KIF27: variants seen among roughly 807,000 people sequenced by gnomAD.
The protein encoded by KIF27 is kinesin-like protein KIF27.
In KIF27, 84 loss-of-function variants were observed where a neutral mutation model predicts 141.8. The observed-to-expected ratio is 0.59, with a 90% CI of 0.50 to 0.71. KIF27 has a LOEUF of 0.71. Ranked by LOEUF, KIF27 falls within the 30% of genes least tolerant of loss-of-function variation. The pLI is 0.00. For synonymous variants in KIF27, 471 were observed against 569.5 expected (o/e 0.83, Z 2.46); for missense variants, 1,306 against 1,628.4 (o/e 0.80, Z 3.41).
chr9:83,887,451 C>T (rs1328378751), intron 8 of KIF27, among the ~76,000 whole-genome samples: 1 of 152,196 alleles, frequency 6.6e-6, no homozygotes, highest in African/African-American at 2.4e-5. Flanking sequence ...TAAGTTCAGA[C>T]ACACAGTTTT....
chr9:83,885,584 C>A (rs1464174121), intron 9 of KIF27, among the ~76,000 whole-genome samples: 1 of 151,992 alleles, frequency 6.6e-6, no homozygotes, highest in African/African-American at 2.4e-5. Context: ...TTGTTCAACA[C>A]ACCAATATTT....
chr9:83,899,706 C>A lies in KIF27; in HGVS notation c.1557G>T (p.Gly519=), dbSNP rs142359340. Reference sequence around the variant, plus strand: ...GCGCTTCTTTCAAAGATACAGCATGCCCTTTGTTTTCCTGTACCATCATCT... The same window carrying A: ...GCGCTTCTTTCAAAGATACAGCATGACCTTTGTTTTCCTGTACCATCATCT... ...QVQMMVQENK[G]HAVSLKEAQK... Residue 519 remains glycine, a synonymous_variant, in exon 5 of 18, where the codon GGG becomes GGT. Coordinates refer to ENST00000297814, the MANE Select transcript of KIF27 (RefSeq NM_017576.4). 1,905 of 1,613,366 alleles carry A rather than the reference C, an allele frequency of 1.2e-3. 3 individuals carry two copies. The highest frequency in any genetic ancestry group is 1.5e-3 in the Non-Finnish European group (1,764 of 1,179,446).
At chr9:83,885,951 T>G (rs1273820240) in intron 9 of KIF27, among the ~76,000 whole-genome samples, 3 of 149,094 alleles carry the variant, frequency 2.0e-5, no homozygotes, top group Non-Finnish European at 3.0e-5. Context: ...TTTGTGTTGT[T>G]TTTTTTTTTT....
chr9:83,916,610 T>C (rs901816286), intron 1 of KIF27, among the ~76,000 whole-genome samples: 11 of 152,214 alleles, frequency 7.2e-5, no homozygotes, highest in African/African-American at 2.6e-4. Flanking sequence ...TGTAGTTTCC[T>C]GGCTAAAAAT....
At chr9:83,858,221 C>T (rs1949482217) in intron 14 of KIF27, 1 of 152,100 alleles carries the variant, frequency 6.6e-6, no homozygotes, top group Non-Finnish European at 1.5e-5. Context: ...ACTTAGCCCC[C>T]AATCAAGGAT....
chr9:83,859,449 G>C, intron 13 of KIF27, 78 bp from the exon 14 acceptor site: 2 of 936,648 alleles, frequency 2.1e-6, no homozygotes, highest in Non-Finnish European at 1.7e-6. Flanking sequence ...GAAAAACATA[G>C]AGAAAATTGC....
chr9:83,920,108 G>A (rs962805993), intron 1 of KIF27, among the ~76,000 whole-genome samples: 17 of 152,274 alleles, frequency 1.1e-4, no homozygotes, highest in African/African-American at 4.1e-4. Flanking sequence ...TGACGCACCT[G>A]TAGTCCCAGC....
chr9:83,856,773 G>A (rs946436094), intron 14 of KIF27, among the ~76,000 whole-genome samples: 1 of 149,844 alleles, frequency 6.7e-6, no homozygotes, highest in African/African-American at 2.5e-5. Flanking sequence ...AGCTGGGCAT[G>A]GTAGCGCACA....
intron 2 of KIF27, among the ~76,000 whole-genome samples, chr9:83,909,775 A>G: frequency 6.6e-6 from 1 of 152,152 alleles, no homozygotes; most frequent in Non-Finnish European, 1.5e-5. Context: ...TTTATTCCAT[A>G]AATAGGCCAT....
chr9:83,848,070 G>GATATATCATATATATCAT (rs10622451), intron 16 of KIF27, among the ~76,000 whole-genome samples: 1 of 43,240 alleles, frequency 2.3e-5, no homozygotes. Flanking sequence ...TCATATATAT[G>GATATATCATATATATCAT]ATATATGATA....
chr9:83,917,624 AG>A (rs1251152021), intron 1 of KIF27, among the ~76,000 whole-genome samples: 2 of 152,254 alleles, frequency 1.3e-5, no homozygotes, highest in African/African-American at 4.8e-5. Flanking sequence ...TCAACAGAAT[AG>A]AATTGAGAAT....
intron 2 of KIF27, among the ~76,000 whole-genome samples, chr9:83,910,610 G>A (rs1434549287): frequency 6.6e-6 from 1 of 152,086 alleles, no homozygotes; most frequent in Non-Finnish European, 1.5e-5. Context: ...GAGAATGTGT[G>A]CAGAAGACAG....
At position 83,842,394 on chromosome 9, in the gene KIF27, A is replaced by G. The variant is rs773830704; in HGVS notation, c.3564T>C (p.Asp1188=). 4.7e-6 allele frequency: 7 copies of G among 1,497,702 alleles called. No homozygotes were observed. The East Asian group carries it at 1.7e-4, about 36-fold the overall frequency. The allele number at this position is 1,497,702 out of a possible 1,614,324, so 92.8% of individuals were successfully genotyped here. ...QLLLHHFKEQ[D]GEGIMETFKT... ...TGAAAGTTTCCATAATGCCTTCTCCATCTTGTTCTATACAACAAAAATTTG... is the reference window on the plus strand; with the variant it reads ...TGAAAGTTTCCATAATGCCTTCTCCGTCTTGTTCTATACAACAAAAATTTG... Residue 1188 remains aspartate (D), a synonymous_variant, in exon 17 of 18, where the codon GAT becomes GAC. Coordinates refer to ENST00000297814, the MANE Select transcript of KIF27 (RefSeq NM_017576.4).
rs373717274 is a variant in KIF27 at position 83,915,265 on chromosome 9, A to G, written c.298+29T>C. On this transcript the variant is annotated intron_variant, in intron 2 of 17. Coordinates refer to ENST00000297814, the MANE Select transcript of KIF27 (RefSeq NM_017576.4). ...TTTTTGCTTCTTTCTAGCGTCACAA[A>G]TAAAAGTCAAAGAGTATAAGAATCT... 2.3e-5 allele frequency: 35 copies of G among 1,549,840 alleles called. No individual in the cohort carries two copies. In the African/African-American group the frequency reaches 3.2e-4, roughly 14 times the overall value.
chr9:83,906,223 T>C (rs1243146686), intron 3 of KIF27, among the ~76,000 whole-genome samples: 2 of 152,228 alleles, frequency 1.3e-5, no homozygotes, highest in African/African-American at 4.8e-5. Context: ...TAAGCTACCA[T>C]ATATAGTTTC....
chr9:83,889,223 C>A lies in KIF27; in HGVS notation c.1840G>T (p.Asp614Tyr), dbSNP rs774392277. The A allele has an allele frequency of 6.2e-7, 1 of 1,613,334 alleles. No homozygotes were observed. The highest frequency in any genetic ancestry group is 1.7e-5 in the Admixed American group (1 of 59,976). ...GTTCGAAATCCAGCAAATATTCGAT[C>A]CAGAGAGTACATAGGCGGACTTGTG... ...VHTSPPMYSL[D>Y]RIFAGFRTRS... The change falls in exon 7 of 18, where the codon GAT becomes TAT. Residue 614 changes from aspartate to tyrosine, a missense_variant. Around this residue, in one of 4 missense-constraint regions of KIF27, gnomAD observed 596 missense variants for 751.6 expected, o/e 0.79. Transcript: ENST00000297814.
At chr9:83,848,534 C>T (rs1292994039) in intron 16 of KIF27, 1 of 142,296 alleles carries the variant, frequency 7.0e-6, no homozygotes, top group African/African-American at 2.6e-5. Flanking sequence ...ACATATATAT[C>T]TATGTATATA....
chr9:83,874,449 C>T (rs1951049341), intron 11 of KIF27, among the ~76,000 whole-genome samples: 1 of 152,182 alleles, frequency 6.6e-6, no homozygotes, highest in South Asian at 2.1e-4. Flanking sequence ...AGACAGGAGT[C>T]TCAGAGAGTT....
intron 11 of KIF27, among the ~76,000 whole-genome samples, chr9:83,873,828 T>A (rs1950989528): frequency 6.6e-6 from 1 of 152,158 alleles, no homozygotes; most frequent in African/African-American, 2.4e-5. Context: ...GGCGGGTAGA[T>A]CACAAGGTCA....
Sources: allele counts gnomAD v4.1 joint callset (sites outside exome capture counted in the v4.1 genomes callset), GRCh38; gene constraint gnomAD v4.1.1; regional missense constraint gnomAD v4.1.1; transcripts MANE v1.5; gene names NCBI Gene and HGNC (gene_info 2026-07-23, HGNC 2026-07-21).